LYPLAL1: variants seen among roughly 807,000 people sequenced by gnomAD.
LYPLAL1 encodes the protein lysophospholipase like 1.
LYPLAL1 carries 23 observed loss-of-function variants against 19.7 expected under a neutral mutation model. That is an observed-to-expected ratio of 1.17 (90% CI 0.84 to 1.65). The LOEUF is 1.65. Among genes scored for constraint, LYPLAL1 ranks in the 40% most tolerant of loss-of-function variants. The probability of loss-of-function intolerance (pLI) is 0.00; values close to 1 mark genes in which losing one functional copy is unlikely to be tolerated. For synonymous variants in LYPLAL1, 119 were observed against 96.3 expected (o/e 1.24, Z -1.38); for missense variants, 355 against 279.4 (o/e 1.27, Z -1.93).
chr1:219,236,393 A>G, the LYPLAL1 span, among the ~76,000 whole-genome samples: 2 of 152,252 alleles, frequency 1.3e-5, no homozygotes, highest in South Asian at 2.1e-4. Flanking sequence ...TGATACCTCC[A>G]TTTTGTATAA....
the LYPLAL1 span, among the ~76,000 whole-genome samples, chr1:219,395,468 G>GGTT: frequency 2.0e-5 from 3 of 151,986 alleles, no homozygotes; most frequent in African/African-American, 7.3e-5. Context: ...TTTTTAGTGG[G>GGTT]GTTGTTTTTC....
chr1:219,292,207 C>G, the LYPLAL1 span, among the ~76,000 whole-genome samples: 1 of 152,122 alleles, frequency 6.6e-6, no homozygotes, highest in Non-Finnish European at 1.5e-5. Context: ...CCCTGCTGAC[C>G]CCCTTCACCT....
the LYPLAL1 span, among the ~76,000 whole-genome samples, chr1:219,362,424 A>G: frequency 2.6e-5 from 4 of 152,196 alleles, no homozygotes; most frequent in South Asian, 8.3e-4. Context: ...AGTTTCTGGA[A>G]TAGGTTAAGC....
chr1:219,228,768 C>T, the LYPLAL1 span, among the ~76,000 whole-genome samples: 8 of 152,016 alleles, frequency 5.3e-5, no homozygotes, highest in African/African-American at 1.9e-4. Flanking sequence ...CAACCTCCGC[C>T]TCCCAGGTTC....
At chr1:219,337,176 C>T in the LYPLAL1 span, among the ~76,000 whole-genome samples, 3 of 151,888 alleles carry the variant, frequency 2.0e-5, no homozygotes, top group African/African-American at 4.8e-5. Flanking sequence ...CTCTGATCAA[C>T]CAGGATTATC....
intron 3 of LYPLAL1, among the ~76,000 whole-genome samples, chr1:219,205,766 A>T (rs1658526761): frequency 6.6e-6 from 1 of 152,202 alleles, no homozygotes; most frequent in Non-Finnish European, 1.5e-5. Flanking sequence ...TGGGAGCTAA[A>T]ACTTCAGAAT....
At chr1:219,370,872 T>G in the LYPLAL1 span, among the ~76,000 whole-genome samples, 3 of 152,146 alleles carry the variant, frequency 2.0e-5, no homozygotes, top group Non-Finnish European at 4.4e-5. Flanking sequence ...TACACGCACT[T>G]AAGATAGAGC....
At chr1:219,381,873 A>G in the LYPLAL1 span, among the ~76,000 whole-genome samples, 1 of 152,228 alleles carries the variant, frequency 6.6e-6, no homozygotes, top group Non-Finnish European at 1.5e-5. Context: ...AAGACAACAC[A>G]GTACAATACG....
chr1:219,339,672 A>G, the LYPLAL1 span, among the ~76,000 whole-genome samples: 6 of 152,058 alleles, frequency 3.9e-5, no homozygotes, highest in Non-Finnish European at 7.4e-5. Context: ...TCCCATTTCT[A>G]GCTTAGAGGT....
At chr1:219,179,711 A>G (rs1355222295) in intron 2 of LYPLAL1, among the ~76,000 whole-genome samples, 5 of 152,258 alleles carry the variant, frequency 3.3e-5, no homozygotes, top group African/African-American at 4.8e-5. Flanking sequence ...TTTTTTAATC[A>G]GTAAACCAGA....
At chr1:219,389,799 A>G in the LYPLAL1 span, among the ~76,000 whole-genome samples, 2 of 152,180 alleles carry the variant, frequency 1.3e-5, no homozygotes, top group Non-Finnish European at 2.9e-5. Flanking sequence ...AAAAATCGCA[A>G]TTACTTTTGT....
intron 2 of LYPLAL1, among the ~76,000 whole-genome samples, chr1:219,181,582 A>G (rs927675137): frequency 7.9e-5 from 12 of 152,208 alleles, no homozygotes; most frequent in African/African-American, 2.9e-4. Context: ...CTTAATAAGC[A>G]TAAAAAGCAT....
intron 3 of LYPLAL1, among the ~76,000 whole-genome samples, chr1:219,201,925 G>GT (rs1321701916): frequency 6.6e-6 from 1 of 152,166 alleles, no homozygotes; most frequent in East Asian, 1.9e-4. Context: ...TTTTGTTGCA[G>GT]TTTTTTGTTG....
At chr1:219,193,008 T>G (rs1657301662) in intron 2 of LYPLAL1, 74 bp from the exon 3 acceptor site, 3 of 1,388,064 alleles carry the variant, frequency 2.2e-6, no homozygotes, top group Middle Eastern at 2.3e-4. Context: ...CACTATTATT[T>G]TGGTAATTAA....
the LYPLAL1 span, chr1:219,223,279 C>T: frequency 2.0e-5 from 3 of 152,098 alleles, no homozygotes; most frequent in Non-Finnish European, 2.9e-5. Context: ...CCTAATTTCT[C>T]CTCATTAAGA....
chr1:219,358,241 A>G, the LYPLAL1 span, among the ~76,000 whole-genome samples: 2 of 152,224 alleles, frequency 1.3e-5, no homozygotes, highest in Admixed American at 1.3e-4. Flanking sequence ...AATATGAAGT[A>G]ACCTCACTAA....
At chr1:219,325,902 T>A in the LYPLAL1 span, among the ~76,000 whole-genome samples, 2 of 152,146 alleles carry the variant, frequency 1.3e-5, no homozygotes, top group Non-Finnish European at 1.5e-5. Context: ...GGTATGTCCA[T>A]CCAGGATTGG....
chr1:219,367,388 T>A, the LYPLAL1 span, among the ~76,000 whole-genome samples: 1 of 152,226 alleles, frequency 6.6e-6, no homozygotes, highest in African/African-American at 2.4e-5. Context: ...ATTCAGATGA[T>A]TCTGATGGTA....
the LYPLAL1 span, among the ~76,000 whole-genome samples, chr1:219,277,201 C>T: frequency 2.0e-5 from 3 of 152,092 alleles, no homozygotes; most frequent in Non-Finnish European, 2.9e-5. Flanking sequence ...CTGTAATCCC[C>T]AATTGGAGCA....
Sources: allele counts gnomAD v4.1 joint callset (sites outside exome capture counted in the v4.1 genomes callset), GRCh38; gene constraint gnomAD v4.1.1; transcripts MANE v1.5; gene names NCBI Gene and HGNC (gene_info 2026-07-23, HGNC 2026-07-21).